Variants in CDH12 observed in about 807,000 individuals in gnomAD.
CDH12 encodes cadherin-12.
CDH12 carries 41 observed loss-of-function variants against 74.1 expected under a neutral mutation model. That is an observed-to-expected ratio of 0.55 (90% confidence interval 0.43 to 0.72). CDH12 has a LOEUF of 0.72. Among genes scored for constraint, CDH12 ranks in the 30% least tolerant of loss-of-function variants. The pLI, the probability that CDH12 is intolerant of heterozygous loss-of-function variation, is 0.00. For synonymous variants in CDH12, 399 were observed against 355.0 expected, an observed-to-expected ratio of 1.12 and a Z score of -1.39; for missense variants, 945 against 977.2, an observed-to-expected ratio of 0.97 and a Z score of 0.44.
chr5:22,030,608 A>T lies in CDH12; in HGVS notation c.231+47838T>A, dbSNP rs145960054. ...ATTTAACACAACTTTTAAGGGCCCT[A>T]GGATTTTCAGAAAGGAAAATGTGCA... On this transcript the variant is annotated intron_variant, in intron 5 of 14. Coordinates refer to ENST00000382254, the MANE Select transcript of CDH12 (RefSeq NM_004061.5). 2.0e-4 allele frequency among the ~76,000 whole-genome samples: 30 copies of T among 152,332 alleles called. 1 individual carries two copies. In the East Asian group the frequency reaches 5.8e-3, roughly 29 times the overall value.
At chr5:22,708,621 C>T (rs1743140678) in intron 1 of CDH12, among the ~76,000 whole-genome samples, 1 of 152,010 alleles carries the variant, frequency 6.6e-6, no homozygotes, top group Non-Finnish European at 1.5e-5. Flanking sequence ...GAGAAGATAG[C>T]CTAGCATGTG....
At chr5:22,087,428 C>T (rs1035059447) in intron 4 of CDH12, among the ~76,000 whole-genome samples, 11 of 151,910 alleles carry the variant, frequency 7.2e-5, no homozygotes, top group Non-Finnish European at 1.5e-4. Context: ...TCACTTGAGG[C>T]CAGGAGTTCG....
intron 3 of CDH12, among the ~76,000 whole-genome samples, chr5:22,308,091 A>G (rs1316526411): frequency 6.6e-6 from 1 of 151,902 alleles, no homozygotes; most frequent in African/African-American, 2.4e-5. Flanking sequence ...CACGTTAGCC[A>G]GGATGGTCTT....
Position 22,125,866 on chromosome 5 carries a change from C to T in CDH12, c.-186-47004G>A, listed in dbSNP as rs1745826985. Among the ~76,000 whole-genome samples the T allele has an allele frequency of 2.0e-5, 3 of 152,048 alleles. 1 individual carries two copies. The highest frequency in any genetic ancestry group is 4.1e-4 in the South Asian group (2 of 4,826). On this transcript the variant is annotated intron_variant, in intron 4 of 14. Transcript: ENST00000382254. ...AGGAGAAACCCTGTATTGACTCCCT[C>T]GCTTTTTGTTTATTCCAAAATTATG...
At chr5:21,770,312 T>C (rs916040403) in intron 11 of CDH12, among the ~76,000 whole-genome samples, 1 of 152,172 alleles carries the variant, frequency 6.6e-6, no homozygotes, top group Non-Finnish European at 1.5e-5. Flanking sequence ...AAATAACATC[T>C]CTTTGGAATA....
intron 11 of CDH12, among the ~76,000 whole-genome samples, chr5:21,778,520 TA>T (rs1378387940): frequency 5.1e-5 from 7 of 136,360 alleles, no homozygotes; most frequent in Non-Finnish European, 1.1e-4. Flanking sequence ...GAAAAATCTC[TA>T]TTTTTTTTTT....
intron 13 of CDH12, among the ~76,000 whole-genome samples, chr5:21,759,676 T>C (rs573963955): frequency 1.0e-3 from 157 of 152,142 alleles, no homozygotes; most frequent in Non-Finnish European, 1.8e-3. Context: ...TTATTTATTA[T>C]TTATTTATTT....
rs1580430696 is a variant in CDH12, at chr5:22,233,285, A to C, written c.-332-20642T>G. 2.0e-5 allele frequency among the ~76,000 whole-genome samples: 3 copies of C among 150,824 alleles called. No homozygotes were observed. In the South Asian group the frequency reaches 6.3e-4, roughly 32 times the overall value. On this transcript the variant is annotated intron_variant, in intron 3 of 14. Transcript: ENST00000382254. ...TTTTTCCAAAATAAACTGATCATAGATACATAGACAAGCAAAAAAAATATA... is the reference window on the plus strand; with the variant it reads ...TTTTTCCAAAATAAACTGATCATAGCTACATAGACAAGCAAAAAAAATATA...
intron 1 of CDH12, among the ~76,000 whole-genome samples, chr5:22,828,501 G>A (rs1736439353): frequency 6.6e-6 from 1 of 152,154 alleles, no homozygotes; most frequent in South Asian, 2.1e-4. Flanking sequence ...TTGACACGAA[G>A]TAGGAAGGGA....
intron 5 of CDH12, among the ~76,000 whole-genome samples, chr5:21,983,132 A>G (rs1435850421): frequency 6.6e-6 from 1 of 152,152 alleles, no homozygotes. Context: ...GTCTTGCACT[A>G]ATTTTATATG....
intron 2 of CDH12, among the ~76,000 whole-genome samples, chr5:22,487,637 A>G (rs566239962): frequency 6.6e-6 from 1 of 152,226 alleles, no homozygotes; most frequent in African/African-American, 2.4e-5. Flanking sequence ...ATGTATGTCA[A>G]TATATAAATT....
At chr5:22,132,422 T>C (rs1746222485) in intron 4 of CDH12, among the ~76,000 whole-genome samples, 1 of 152,034 alleles carries the variant, frequency 6.6e-6, no homozygotes, top group South Asian at 2.1e-4. Context: ...CATTAGATAC[T>C]TGCCACAGTT....
chr5:21,756,896 T>C (rs780734175), intron 13 of CDH12, among the ~76,000 whole-genome samples: 14 of 152,154 alleles, frequency 9.2e-5, no homozygotes, highest in Non-Finnish European at 1.9e-4. Flanking sequence ...TCTTCAGCAA[T>C]AGGAAGCACC....
chr5:22,370,578 G>C (rs1185479914), intron 3 of CDH12, among the ~76,000 whole-genome samples: 1 of 151,970 alleles, frequency 6.6e-6, no homozygotes, highest in Non-Finnish European at 1.5e-5. Context: ...TAACATCTTT[G>C]AGTATTTTCC....
At chr5:22,681,696 C>A (rs1741501928) in intron 1 of CDH12, among the ~76,000 whole-genome samples, 1 of 151,976 alleles carries the variant, frequency 6.6e-6, no homozygotes, top group African/African-American at 2.4e-5. Flanking sequence ...AAATGTATTT[C>A]CAAAAGTGTC....
At chr5:21,830,199 CAAAA>C (rs1055199877) in intron 8 of CDH12, among the ~76,000 whole-genome samples, 28 of 25,248 alleles carry the variant, frequency 1.1e-3, no homozygotes, top group African/African-American at 3.0e-3. Context: ...AACTCCTTCT[CAAAA>C]AAAAAAAAAA....
intron 4 of CDH12, among the ~76,000 whole-genome samples, chr5:22,140,760 ACACACAG>A: frequency 6.6e-6 from 1 of 152,270 alleles, no homozygotes; most frequent in South Asian, 2.1e-4. Flanking sequence ...TGGATTTAGG[ACACACAG>A]GTCACCAAGG....
intron 5 of CDH12, among the ~76,000 whole-genome samples, chr5:22,024,356 C>G (rs1006997190): frequency 6.6e-6 from 1 of 152,098 alleles, no homozygotes; most frequent in Non-Finnish European, 1.5e-5. Flanking sequence ...AGACAATACT[C>G]TTCAACTTAA....
intron 1 of CDH12, among the ~76,000 whole-genome samples, chr5:22,513,393 G>A (rs1580722457): frequency 6.6e-6 from 1 of 151,874 alleles, no homozygotes; most frequent in African/African-American, 2.4e-5. Flanking sequence ...AAAATGTATT[G>A]ACAGCTTTTC....
Sources: allele counts gnomAD v4.1 joint callset (sites outside exome capture counted in the v4.1 genomes callset), GRCh38; gene constraint gnomAD v4.1.1; transcripts MANE v1.5; gene names NCBI Gene and HGNC (gene_info 2026-07-23, HGNC 2026-07-21).